Variants in TULP3 observed in about 807,000 individuals in gnomAD.
TULP3 encodes the protein tubby-related protein 3.
TULP3 carries 38 observed loss-of-function variants against 50.7 expected under a neutral mutation model. That is an observed-to-expected ratio of 0.75 (90% CI 0.58 to 0.98). The LOEUF (loss-of-function observed/expected upper bound fraction) is 0.98, where lower values mean the gene tolerates loss of function less well. TULP3 is among the 50% of genes least tolerant of loss of function. The pLI is 0.00. For missense variants in TULP3, 550 were observed against 568.0 expected (o/e 0.97, Z 0.32); for synonymous variants, 183 against 196.6 (o/e 0.93, Z 0.58).
intron 4 of TULP3, among the ~76,000 whole-genome samples, chr12:2,925,677 A>G (rs531220549): frequency 9.2e-4 from 140 of 152,300 alleles, no homozygotes; most frequent in Middle Eastern, 3.4e-3. Flanking sequence ...TACTACCACT[A>G]TTTTTACAAC....
intron 4 of TULP3, among the ~76,000 whole-genome samples, chr12:2,923,528 T>A (rs2098192975): frequency 6.6e-6 from 1 of 151,836 alleles, no homozygotes; most frequent in South Asian, 2.1e-4. Context: ...TGGGTGCCTA[T>A]TAATCCCAGC....
chr12:2,925,413 T>C (rs1347469856), intron 4 of TULP3, among the ~76,000 whole-genome samples: 2 of 152,042 alleles, frequency 1.3e-5, no homozygotes, highest in Non-Finnish European at 2.9e-5. Flanking sequence ...GCTAGGGCAA[T>C]GAGAAGAGAC....
rs763899118 is a variant in TULP3, at chr12:2,939,183, G to A, written c.1196-128G>A. The A allele has an allele frequency of 5.8e-6, 6 of 1,031,474 alleles. No individual in the cohort carries two copies. Among genetic ancestry groups the A allele is most frequent in the Middle Eastern group, 3.0e-4 (1 of 3,354 alleles). 63.9% of individuals were successfully genotyped at this position (1,031,474 alleles called of 1,614,324 possible). On this transcript the variant is annotated intron_variant, in intron 10 of 10. Coordinates refer to ENST00000448120, the MANE Select transcript of TULP3 (RefSeq NM_003324.5). This position sits in a 1 kb window ranked among gnomAD's most constrained non-coding sequence, Gnocchi z 4.0. ...GAGGTCAAGGCTGCAGTGAGCTGTGGTCATTCCACTAGGCTCCAGCCAGGG... is the reference window on the plus strand; with the variant it reads ...GAGGTCAAGGCTGCAGTGAGCTGTGATCATTCCACTAGGCTCCAGCCAGGG...
chr12:2,940,484 C>A lies in TULP3; in HGVS notation c.*1040C>A. The A allele has an allele frequency of 1.3e-6, 2 of 1,504,140 alleles. No homozygotes were observed. Among genetic ancestry groups the A allele is most frequent in the South Asian group, 1.3e-5 (1 of 76,024 alleles). The allele number at this position is 1,504,140 out of a possible 1,614,324, so 93.2% of individuals were successfully genotyped here. Reference sequence around the variant, plus strand: ...TTGCTACGTTTTTTTGATTATTACACCCCTCCACGTATTATGTGACTCTTA... The same window carrying A: ...TTGCTACGTTTTTTTGATTATTACAACCCTCCACGTATTATGTGACTCTTA... On this transcript the variant is annotated 3_prime_UTR_variant, in exon 11 of 11. Transcript: ENST00000448120.
chr12:2,931,339 C>A, intron 6 of TULP3, 99 bp downstream of exon 6: 2 of 1,129,488 alleles, frequency 1.8e-6, no homozygotes, highest in Non-Finnish European at 2.5e-6. Context: ...GGTATTAGAC[C>A]AAGCCAGCTG....
intron 1 of TULP3, among the ~76,000 whole-genome samples, chr12:2,899,663 G>A (rs577709776): frequency 2.0e-5 from 3 of 152,168 alleles, no homozygotes; most frequent in East Asian, 1.9e-4. Flanking sequence ...GGAGGCCAAG[G>A]TGGGCGGATC....
chr12:2,929,253 C>T (rs1239083178), intron 4 of TULP3, among the ~76,000 whole-genome samples: 1 of 150,640 alleles, frequency 6.6e-6, no homozygotes, highest in Non-Finnish European at 1.5e-5. Context: ...GGAGGCGGAG[C>T]TTGCAGTGAG....
chr12:2,900,151 A>G (rs1443985932), intron 1 of TULP3, among the ~76,000 whole-genome samples: 2 of 152,092 alleles, frequency 1.3e-5, no homozygotes, highest in African/African-American at 4.8e-5. Flanking sequence ...TGAACCTGGG[A>G]GGAAGAGGTT....
At chr12:2,894,280 G>T (rs540907349) in intron 1 of TULP3, among the ~76,000 whole-genome samples, 18 of 125,180 alleles carry the variant, frequency 1.4e-4, no homozygotes, top group Non-Finnish European at 1.7e-5. Context: ...ATGGGAGGCC[G>T]AGATGGCGGG....
chr12:2,937,763 T>A, intron 9 of TULP3, 34 bp downstream of exon 9: 1 of 1,482,836 alleles, frequency 6.7e-7, no homozygotes, highest in Non-Finnish European at 9.3e-7. Context: ...AGTGAAAGAC[T>A]CTAAAAGACA....
chr12:2,930,229 G>T lies in TULP3; in HGVS notation c.395-19G>T, dbSNP rs2098197130. On this transcript the variant is annotated intron_variant, in intron 4 of 10. Coordinates refer to ENST00000448120, the MANE Select transcript of TULP3 (RefSeq NM_003324.5). Reference sequence around the variant, plus strand: ...TTAAACAGTGTTGGCAGTGCTAACAGTTCTTCCTTTTCTGCTAGATATCTC... The same window carrying T: ...TTAAACAGTGTTGGCAGTGCTAACATTTCTTCCTTTTCTGCTAGATATCTC... 1.3e-6 allele frequency: 2 copies of T among 1,578,134 alleles called. No homozygotes were observed. The highest frequency in any genetic ancestry group is 1.7e-5 in the Admixed American group (1 of 58,794).
intron 1 of TULP3, among the ~76,000 whole-genome samples, chr12:2,906,034 T>C (rs1307777743): frequency 7.0e-6 from 1 of 143,764 alleles, no homozygotes; most frequent in Admixed American, 6.9e-5. Context: ...AAAAAAAAAT[T>C]TTTTTTTTTT....
At chr12:2,899,345 C>CAAAAAAAA (rs55818833) in intron 1 of TULP3, among the ~76,000 whole-genome samples, 1 of 82,814 alleles carries the variant, frequency 1.2e-5, no homozygotes, top group Non-Finnish European at 2.4e-5. Flanking sequence ...AACGACGTCT[C>CAAAAAAAA]AAAAAAAAAA....
At chr12:2,905,552 C>T (rs568897225) in intron 1 of TULP3, among the ~76,000 whole-genome samples, 139 of 152,214 alleles carry the variant, frequency 9.1e-4, no homozygotes, top group Middle Eastern at 3.4e-3. Flanking sequence ...TTTATTTAAA[C>T]TTAGAACTCG....
At chr12:2,930,055 C>T (rs963149876) in intron 4 of TULP3, among the ~76,000 whole-genome samples, 193 bp from the exon 5 acceptor site, 9 of 152,190 alleles carry the variant, frequency 5.9e-5, no homozygotes, top group Non-Finnish European at 7.3e-5. Context: ...CTCCCCTGCC[C>T]CCAGCCCCTA....
intron 6 of TULP3, among the ~76,000 whole-genome samples, chr12:2,932,035 C>T (rs116576965): frequency 6.6e-6 from 1 of 152,170 alleles, no homozygotes; most frequent in Non-Finnish European, 1.5e-5. Flanking sequence ...TGCTTAGCCA[C>T]TGCCACTCTC....
intron 4 of TULP3, among the ~76,000 whole-genome samples, chr12:2,924,688 TAA>T (rs753260061): frequency 7.3e-6 from 1 of 137,642 alleles, no homozygotes. Context: ...CTTTAAAAAT[TAA>T]AAAAAAAAAA....
chr12:2,904,213 T>C (rs896417222), intron 1 of TULP3, among the ~76,000 whole-genome samples: 22 of 152,200 alleles, frequency 1.4e-4, no homozygotes, highest in African/African-American at 5.1e-4. Flanking sequence ...TCTTTCCTAG[T>C]CTAGGTTTTT....
At chr12:2,908,693 T>C (rs1489040130) in intron 1 of TULP3, among the ~76,000 whole-genome samples, 1 of 152,210 alleles carries the variant, frequency 6.6e-6, no homozygotes, top group Admixed American at 6.5e-5. Context: ...GTGCTGGGAT[T>C]ACAGGTGTGA....
Sources: allele counts gnomAD v4.1 joint callset (sites outside exome capture counted in the v4.1 genomes callset), GRCh38; gene constraint gnomAD v4.1.1; non-coding constraint Gnocchi (gnomAD v3.1); transcripts MANE v1.5; gene names NCBI Gene and HGNC (gene_info 2026-07-23, HGNC 2026-07-21).